VPS13B: variants seen among roughly 807,000 people sequenced by gnomAD.
VPS13B encodes the protein intermembrane lipid transfer protein VPS13B.
Under a neutral mutation model 426.4 loss-of-function variants are expected in VPS13B, and 285 were observed. That is an observed-to-expected ratio of 0.67 (90% CI 0.61 to 0.74). VPS13B has a LOEUF of 0.74. Among genes scored for constraint, VPS13B ranks in the 30% least tolerant of loss-of-function variants. The probability of loss-of-function intolerance (pLI) is 0.00; values close to 1 mark genes in which losing one functional copy is unlikely to be tolerated. For missense variants in VPS13B, 4,537 were observed against 4,782.6 expected, an observed-to-expected ratio of 0.95 and a Z score of 1.51; for synonymous variants, 1,676 against 1,676.4, an observed-to-expected ratio of 1.00 and a Z score of 0.01.
intron 2 of VPS13B, among the ~76,000 whole-genome samples, chr8:99,035,120 G>C (rs971432218): frequency 4.6e-5 from 7 of 152,116 alleles, no homozygotes; most frequent in Non-Finnish European, 1.0e-4. Flanking sequence ...AGGAGTTTGA[G>C]GTTTCAGTGA....
intron 3 of VPS13B, among the ~76,000 whole-genome samples, chr8:99,077,237 A>G (rs1845180499): frequency 1.3e-5 from 2 of 151,682 alleles, no homozygotes; most frequent in Non-Finnish European, 2.9e-5. Context: ...CAATGGCGCG[A>G]TCTCAGCTCA....
chr8:99,729,012 A>G (rs1167901345), intron 39 of VPS13B, among the ~76,000 whole-genome samples: 7 of 151,698 alleles, frequency 4.6e-5, no homozygotes, highest in Non-Finnish European at 8.8e-5. Flanking sequence ...TACTTTCCCC[A>G]CAGCTTCCAG....
intron 17 of VPS13B, among the ~76,000 whole-genome samples, chr8:99,224,928 G>C (rs1351297673): frequency 6.6e-6 from 1 of 151,994 alleles, no homozygotes; most frequent in Non-Finnish European, 1.5e-5. Context: ...CCTCTTTTCT[G>C]TCACAGAGAA....
intron 35 of VPS13B, among the ~76,000 whole-genome samples, chr8:99,678,544 T>C (rs1266263660): frequency 1.3e-5 from 2 of 151,888 alleles, no homozygotes; most frequent in Non-Finnish European, 2.9e-5. Flanking sequence ...ACATATAAAT[T>C]GCTTATTTGG....
intron 21 of VPS13B, among the ~76,000 whole-genome samples, chr8:99,393,968 A>G (rs1814595093): frequency 6.6e-6 from 1 of 152,132 alleles, no homozygotes; most frequent in Non-Finnish European, 1.5e-5. Context: ...TGTTTTAATT[A>G]TTATTTATAT....
intron 12 of VPS13B, among the ~76,000 whole-genome samples, chr8:99,137,142 A>C (rs906179969): frequency 1.3e-5 from 2 of 152,106 alleles, no homozygotes; most frequent in African/African-American, 4.8e-5. Context: ...AAAAATAGAA[A>C]ATCTTCCAGA....
chr8:99,038,678 A>ATTT, intron 3 of VPS13B, 112 bp downstream of exon 3: 1 of 463,548 alleles, frequency 2.2e-6, no homozygotes, highest in Non-Finnish European at 3.3e-6. Flanking sequence ...TAGCTTATAT[A>ATTT]CTTTTTTTTT....
chr8:99,353,375 T>G (rs952901402), intron 19 of VPS13B, among the ~76,000 whole-genome samples: 2 of 152,190 alleles, frequency 1.3e-5, no homozygotes. Context: ...TGAGGAAAAT[T>G]GCATGACTGA....
intron 25 of VPS13B, among the ~76,000 whole-genome samples, chr8:99,497,707 T>G (rs1484646376): frequency 6.6e-6 from 1 of 152,074 alleles, no homozygotes; most frequent in Non-Finnish European, 1.5e-5. Flanking sequence ...CTCTTGTCAG[T>G]TTTTCAGTTA....
chr8:99,831,989 G>A (rs560203645), intron 51 of VPS13B, among the ~76,000 whole-genome samples: 16 of 152,212 alleles, frequency 1.1e-4, no homozygotes, highest in African/African-American at 3.8e-4. Context: ...GGCCAGGCGT[G>A]GTGACTCACG....
intron 30 of VPS13B, among the ~76,000 whole-genome samples, chr8:99,530,698 A>G (rs2133693856): frequency 6.6e-6 from 1 of 152,242 alleles, no homozygotes; most frequent in Non-Finnish European, 1.5e-5. Flanking sequence ...CTTTGTGTCA[A>G]AGATTCTGTG....
At chr8:99,828,118 C>T (rs1236305198) in intron 51 of VPS13B, among the ~76,000 whole-genome samples, 2 of 152,038 alleles carry the variant, frequency 1.3e-5, no homozygotes, top group Non-Finnish European at 2.9e-5. Flanking sequence ...GAGTTTAAGT[C>T]CTGAATATCC....
intron 23 of VPS13B, among the ~76,000 whole-genome samples, chr8:99,459,571 A>T (rs996924772): frequency 1.3e-5 from 2 of 152,182 alleles, no homozygotes; most frequent in Non-Finnish European, 2.9e-5. Flanking sequence ...ACCTGTACAG[A>T]ATGGAACTGT....
rs1587974185 is a variant in VPS13B, at chr8:99,055,924, A to G, written c.291+17358A>G. 5.2e-5 allele frequency among the ~76,000 whole-genome samples: 5 copies of G among 96,856 alleles called. No individual in the cohort carries two copies. In the South Asian group the frequency reaches 1.7e-3, roughly 32 times the overall value. 63.5% of individuals were successfully genotyped at this position (96,856 alleles called of 152,430 possible). ...AATTTTTTTTTTTTTTTTTTTTTTT[A>G]GAGAGAGGGTCTTGGTATGTTGATC... On this transcript the variant is annotated intron_variant, in intron 3 of 61. Transcript: ENST00000357162.
At chr8:99,389,331 G>A (rs577463024) in intron 20 of VPS13B, among the ~76,000 whole-genome samples, 1 of 152,078 alleles carries the variant, frequency 6.6e-6, no homozygotes, top group African/African-American at 2.4e-5. Flanking sequence ...ACACTGTATA[G>A]CACATAAATT....
intron 17 of VPS13B, among the ~76,000 whole-genome samples, chr8:99,266,248 G>T (rs1818291554): frequency 6.6e-6 from 1 of 151,136 alleles, no homozygotes; most frequent in African/African-American, 2.4e-5. Context: ...GTGAGACCCT[G>T]TCTCTACAAA....
At chr8:99,861,062 A>G (rs1222233568) in intron 57 of VPS13B, among the ~76,000 whole-genome samples, 1 of 152,216 alleles carries the variant, frequency 6.6e-6, no homozygotes, top group African/African-American at 2.4e-5. Context: ...TCTTTCTAAA[A>G]CTTAGCAACA....
In VPS13B at chr8:99,644,692, A is replaced by G. The variant is rs925032439; in HGVS notation, c.5908+2194A>G. Reference sequence around the variant, plus strand: ...TCTACTTGAACATTTATATTATCTCAGTAGTATGACTCCTGGTTAGTAATA... The same window carrying G: ...TCTACTTGAACATTTATATTATCTCGGTAGTATGACTCCTGGTTAGTAATA... On this transcript the variant is annotated intron_variant, in intron 34 of 61. Transcript: ENST00000357162. Among the ~76,000 whole-genome samples the G allele has an allele frequency of 2.0e-5, 3 of 152,218 alleles. No homozygotes were observed. In the South Asian group the frequency reaches 6.2e-4, roughly 31 times the overall value.
At position 99,229,655 on chromosome 8, in the gene VPS13B, G is replaced by A. The variant is rs753413383; in HGVS notation, c.2515+36598G>A. Among the ~76,000 whole-genome samples the A allele has an allele frequency of 8.8e-4, 134 of 151,992 alleles. 1 individual carries two copies. Among genetic ancestry groups the A allele is most frequent in the Non-Finnish European group, 9.0e-4 (61 of 68,000 alleles). On this transcript the variant is annotated intron_variant, in intron 17 of 61. Transcript: ENST00000357162. ...AAAATCTGATATAAAGGACCGTTAC[G>A]GGCAAAACCTTGGCTTAAAGGAGAG... is the stretch of plus-strand genomic sequence containing the variant.
Sources: gnomAD v4.1 joint callset for allele counts (sites outside exome capture counted in the v4.1 genomes callset) on GRCh38, gnomAD v4.1.1 for gene constraint, MANE v1.5 for transcripts, NCBI Gene and HGNC (gene_info 2026-07-23, HGNC 2026-07-21) for gene names.